PPFIA4: variants seen among roughly 807,000 people sequenced by gnomAD.
The protein encoded by PPFIA4 is PPFI scaffold protein A4, also known as liprin-alpha-4.
In PPFIA4, 98 loss-of-function variants were observed where a neutral mutation model predicts 145.7. That is an observed-to-expected ratio of 0.67 (90% CI 0.57 to 0.80). The LOEUF (loss-of-function observed/expected upper bound fraction) is 0.80, where lower values mean the gene tolerates loss of function less well. Ranked by LOEUF, PPFIA4 falls within the 30% of genes least tolerant of loss-of-function variation. The pLI is 0.00. For missense variants in PPFIA4, 1,457 were observed against 1,632.7 expected (o/e 0.89, Z 1.85); for synonymous variants, 628 against 649.6 (o/e 0.97, Z 0.51).
At chr1:203,050,531 C>G (rs1387696906) in intron 13 of PPFIA4, among the ~76,000 whole-genome samples, 1 of 152,104 alleles carries the variant, frequency 6.6e-6, no homozygotes, top group Non-Finnish European at 1.5e-5. Flanking sequence ...CCTTGCCGTT[C>G]CCTTTGGTCA....
In PPFIA4 at chr1:203,048,187, C is replaced by G. The variant is rs1277777845; in HGVS notation, c.1141-40C>G. The G allele has an allele frequency of 6.3e-7, 1 of 1,598,772 alleles. No homozygotes were observed. Among genetic ancestry groups the G allele is most frequent in the East Asian group, 2.2e-5 (1 of 44,694 alleles). On this transcript the variant is annotated intron_variant, in intron 9 of 29. Transcript: ENST00000295706. The surrounding 1 kb of genome is among the most constrained non-coding windows in gnomAD (Gnocchi z 5.8). ...GGATGCGGGGCCTGAGCAGGAAGAA[C>G]AGAGATCTGCGGGCTGCACCGACCC... is the stretch of plus-strand genomic sequence containing the variant.
chr1:203,059,317 T>C (rs1324807446), intron 20 of PPFIA4, 46 bp downstream of exon 20: 2 of 1,401,994 alleles, frequency 1.4e-6, no homozygotes, highest in Non-Finnish European at 2.0e-6. Context: ...CCCAGCCCCC[T>C]ACCCACTTCC....
chr1:203,050,442 G>A (rs747344517), intron 13 of PPFIA4, among the ~76,000 whole-genome samples: 1 of 152,188 alleles, frequency 6.6e-6, no homozygotes, highest in Non-Finnish European at 1.5e-5. Context: ...AGACAGGGGA[G>A]ACTGAAATGG....
At chr1:203,063,748 T>A (rs568345990) in intron 24 of PPFIA4, 80 bp from the exon 25 acceptor site, 8 of 1,468,444 alleles carry the variant, frequency 5.4e-6, no homozygotes, top group Non-Finnish European at 6.6e-6. Context: ...TTCATGTGTC[T>A]CCCGACCAGC....
Position 203,055,622 on chromosome 1 carries a change from A to C in PPFIA4, c.2020A>C (p.Thr674Pro), listed in dbSNP as rs372870339. The change falls in exon 16 of 30, where the codon ACC (threonine) becomes CCC (proline). Residue 674 changes from threonine to proline, a missense_variant. Physicochemically the swap from Thr to Pro is conservative, Grantham distance 38 (BLOSUM62 -1). Transcript: ENST00000295706. This position sits in a 1 kb window ranked among gnomAD's most constrained non-coding sequence, Gnocchi z 4.8. ...PLSGRSTPKL[T>P]SRSAAQDLDR... ...CAGCGGCCGCTCCACACCTAAGCTC[A>C]CCTCCCGCAGTGCTGCCCAGGACCT... 1 of 1,613,508 alleles carries C rather than the reference A, an allele frequency of 6.2e-7. No homozygotes were observed. Among genetic ancestry groups the C allele is most frequent in the South Asian group, 1.1e-5 (1 of 91,048 alleles).
intron 28 of PPFIA4, among the ~76,000 whole-genome samples, chr1:203,074,397 T>C (rs374979218): frequency 6.6e-6 from 1 of 152,140 alleles, no homozygotes; most frequent in Non-Finnish European, 1.5e-5. Flanking sequence ...ACAGTAAAAG[T>C]ATTATAATCT....
rs949262213 is a variant in PPFIA4 at position 203,048,617 on chromosome 1, A to G, written c.1259A>G (p.Asn420Ser). ...CGGGAAAAGATGAATGAGGACCACAACAAGCGGCTGTCGGACACAGTGGAC... is the reference window on the plus strand; with the variant it reads ...CGGGAAAAGATGAATGAGGACCACAGCAAGCGGCTGTCGGACACAGTGGAC... ...RQREKMNEDH[N>S]KRLSDTVDRL... Residue 420 changes from asparagine (N) to serine (S), a missense_variant, in exon 11 of 30, where the codon AAC (asparagine) becomes AGC (serine). Coordinates refer to ENST00000295706, the MANE Select transcript of PPFIA4 (RefSeq NM_001304331.2). This position sits in a 1 kb window ranked among gnomAD's most constrained non-coding sequence, Gnocchi z 5.8. 1.1e-5 allele frequency: 17 copies of G among 1,598,668 alleles called. No homozygotes were observed. In the African/African-American group the frequency reaches 2.3e-4, roughly 21 times the overall value.
Position 203,064,984 on chromosome 1 carries a change from A to G in PPFIA4, c.3050+981A>G, listed in dbSNP as rs75029282. Among the ~76,000 whole-genome samples the G allele has an allele frequency of 5.8e-3, 889 of 152,338 alleles. 3 individuals are homozygous for G. The highest frequency in any genetic ancestry group is 0.021 in the African/African-American group (863 of 41,578). ...GCCAAGTCTTTTGTCTTGACTGGAT[A>G]ATAAGACCAGGAGTAGGGGTCTTCG... On this transcript the variant is annotated intron_variant, in intron 25 of 29. Transcript: ENST00000295706.
intron 25 of PPFIA4, among the ~76,000 whole-genome samples, chr1:203,065,091 T>C (rs1483928713): frequency 6.6e-6 from 1 of 152,182 alleles, no homozygotes; most frequent in African/African-American, 2.4e-5. Context: ...GAAGGGATCT[T>C]GTTAGTGTCC....
At chr1:203,044,138 C>T in intron 4 of PPFIA4, 43 bp downstream of exon 4, 3 of 1,530,202 alleles carry the variant, frequency 2.0e-6, no homozygotes, top group Non-Finnish European at 2.6e-6. Flanking sequence ...CCAGGCTGCC[C>T]TGGAGCCTCC....
intron 1 of PPFIA4, among the ~76,000 whole-genome samples, chr1:203,032,041 C>CGTGTGTGTGT (rs66626205): frequency 0.07 from 10,177 of 146,128 alleles, 517 homozygotes; most frequent in African/African-American, 0.13. Flanking sequence ...TCTGAGAGAA[C>CGTGTGTGTGT]GTGTGTGTGT....
chr1:203,071,674 C>G lies in PPFIA4; in HGVS notation c.3325-18C>G, dbSNP rs745881847. Reference sequence around the variant, plus strand: ...ATAGCCCTTCCCACCTTTCCCTCTCCTGCTCTATGGACTGCAGGCACGCCA... The same window carrying G: ...ATAGCCCTTCCCACCTTTCCCTCTCGTGCTCTATGGACTGCAGGCACGCCA... On this transcript the variant is annotated intron_variant, in intron 27 of 29. Transcript: ENST00000295706. 12 of 1,595,352 alleles carry G rather than the reference C, an allele frequency of 7.5e-6. No individual in the cohort carries two copies. The highest frequency in any genetic ancestry group is 1.0e-5 in the Non-Finnish European group (12 of 1,164,794).
intron 14 of PPFIA4, 97 bp downstream of exon 14, chr1:203,051,974 T>G (rs928518644): frequency 2.3e-6 from 3 of 1,298,598 alleles, no homozygotes; most frequent in Middle Eastern, 2.3e-4. Context: ...GGGCAAATCC[T>G]TCCCCTTCCC....
rs768087678 is a variant in PPFIA4 at position 203,045,465 on chromosome 1, C to T, written c.764C>T (p.Thr255Ile). The change falls in exon 7 of 30, where the codon ACC (threonine) becomes ATC (isoleucine). Residue 255 changes from threonine to isoleucine, a missense_variant. By Grantham distance (89) the Thr-to-Ile change is moderately conservative. This residue lies in a region of PPFIA4 where 463 missense variants were observed against 459.8 expected (regional missense o/e 1.01). Transcript: ENST00000295706. ...ARERLVTLTT[T>I]VTELEEDLGT... ...GAGCGACTGGTCACCCTAACAACAA[C>T]CGTGACTGAACTCGAGGAGGACCTG... 1.9e-6 allele frequency: 3 copies of T among 1,609,866 alleles called. No homozygotes were observed. In the East Asian group the frequency reaches 6.7e-5, roughly 36 times the overall value.
rs752064759 is a variant in PPFIA4 at position 203,068,637 on chromosome 1, C to T, written c.3324+9C>T. 3 of 1,493,874 alleles carry T rather than the reference C, an allele frequency of 2.0e-6. No individual in the cohort carries two copies. Among genetic ancestry groups the T allele is most frequent in the Non-Finnish European group, 2.7e-6 (3 of 1,124,570 alleles). The allele number at this position is 1,493,874 out of a possible 1,614,324, so 92.5% of individuals were successfully genotyped here. On this transcript the variant is annotated intron_variant, in intron 27 of 29. Transcript: ENST00000295706. The surrounding 1 kb of genome is among the most constrained non-coding windows in gnomAD (Gnocchi z 4.7). ...CCACACAGAACACCCAGGTGGGCAG[C>T]CTTTTAATCAGTCAACTTGAGTCTC...
At chr1:203,056,176 C>G (rs1401417779) in intron 17 of PPFIA4, 21 bp downstream of exon 17, 1 of 1,613,866 alleles carries the variant, frequency 6.2e-7, no homozygotes. Flanking sequence ...CCTGATGGCC[C>G]AGGTACTAAC....
At chr1:203,051,180 A>G in intron 13 of PPFIA4, 1 of 985,416 alleles carries the variant, frequency 1.0e-6, no homozygotes, top group Non-Finnish European at 1.2e-6. Context: ...CTTGGGGCAA[A>G]GTATTTTCTC....
intron 25 of PPFIA4, among the ~76,000 whole-genome samples, chr1:203,066,608 T>C (rs1661747202): frequency 6.6e-6 from 1 of 152,182 alleles, no homozygotes; most frequent in African/African-American, 2.4e-5. Flanking sequence ...GTGACTACTC[T>C]GAAGGAAGCT....
rs751388738 is a variant in PPFIA4 at position 203,054,033 on chromosome 1, A to G, written c.1829+72A>G. 1.0e-4 allele frequency: 151 copies of G among 1,483,372 alleles called. 1 individual carries two copies. In the South Asian group the frequency reaches 1.2e-3, roughly 12 times the overall value. 91.9% of individuals were successfully genotyped at this position (1,483,372 alleles called of 1,614,324 possible). On this transcript the variant is annotated intron_variant, in intron 15 of 29. Coordinates refer to ENST00000295706, the MANE Select transcript of PPFIA4 (RefSeq NM_001304331.2). ...GGGCCCTTTGTGTTGGAAAAACCCT[A>G]TATGGGTTTGCCCAACTCTTATAGC...
Sources: allele counts gnomAD v4.1 joint callset (sites outside exome capture counted in the v4.1 genomes callset), GRCh38; gene constraint gnomAD v4.1.1; regional missense constraint gnomAD v4.1.1; non-coding constraint Gnocchi (gnomAD v3.1); transcripts MANE v1.5; gene names NCBI Gene and HGNC (gene_info 2026-07-23, HGNC 2026-07-21).